TBC1D8: variants seen among roughly 807,000 people sequenced by gnomAD.
The protein encoded by TBC1D8 is TBC1 domain family member 8, also known as BUB2-like protein 1.
In TBC1D8, 65 loss-of-function variants were observed where a neutral mutation model predicts 118.8. That is an observed-to-expected ratio of 0.55 (90% confidence interval 0.45 to 0.67). The LOEUF is 0.67. Ranked by LOEUF, TBC1D8 falls within the 30% of genes least tolerant of loss-of-function variation. The probability of loss-of-function intolerance (pLI) is 0.00; values close to 1 mark genes in which losing one functional copy is unlikely to be tolerated. For synonymous variants in TBC1D8, 566 were observed against 595.8 expected (o/e 0.95, Z 0.73); for missense variants, 1,376 against 1,471.2 (o/e 0.94, Z 1.06).
At chr2:101,025,375 C>T (rs1414478883) in intron 15 of TBC1D8, among the ~76,000 whole-genome samples, 6 of 152,094 alleles carry the variant, frequency 3.9e-5, no homozygotes, top group African/African-American at 9.7e-5. Context: ...TACAGGAGTG[C>T]GTCACCACGC....
At chr2:101,023,940 A>C (rs1443515731) in intron 15 of TBC1D8, 2 of 156,614 alleles carry the variant, frequency 1.3e-5, no homozygotes, top group East Asian at 3.9e-4. Context: ...CACTGCAGCC[A>C]TGTTATTTAA....
intron 17 of TBC1D8, chr2:101,018,126 GAAT>G (rs1679789709): frequency 1.9e-6 from 1 of 537,132 alleles, no homozygotes; most frequent in Non-Finnish European, 3.3e-6. Context: ...AAAGTTTTCA[GAAT>G]AACAAAGCTT....
chr2:101,046,878 T>C (rs1681741423), intron 5 of TBC1D8, among the ~76,000 whole-genome samples: 1 of 152,174 alleles, frequency 6.6e-6, no homozygotes, highest in Non-Finnish European at 1.5e-5. Context: ...ACTACACCGC[T>C]TTAATTCAGC....
At chr2:101,128,792 C>A (rs1463814878) in intron 1 of TBC1D8, among the ~76,000 whole-genome samples, 4 of 152,222 alleles carry the variant, frequency 2.6e-5, no homozygotes, top group African/African-American at 9.6e-5. Flanking sequence ...TCTTGAGAAC[C>A]TTGATAACAT....
intron 1 of TBC1D8, among the ~76,000 whole-genome samples, chr2:101,122,030 C>T (rs1678133008): frequency 1.3e-5 from 2 of 151,476 alleles, no homozygotes; most frequent in South Asian, 4.2e-4. Flanking sequence ...CACGCCACTG[C>T]ACTCCAGCCT....
At position 101,054,672 on chromosome 2, in the gene TBC1D8, C is replaced by CTTTTTTTTTTTTTTTTTTTTTTTTTTTTT. The variant is rs34465252; in HGVS notation, c.403-337_403-336insAAAAAAAAAAAAAAAAAAAAAAAAAAAAA. ...ACAAACAATCATTTTCTTTTCTTTT[C>CTTTTTTTTTTTTTTTTTTTTTTTTTTTTT]TTTTTTTTTTTTTTTTTTTTTTTTT... On this transcript the variant is annotated intron_variant, in intron 3 of 19. Transcript: ENST00000409318. 3.5e-4 allele frequency among the ~76,000 whole-genome samples: 9 copies of CTTTTTTTTTTTTTTTTTTTTTTTTTTTTT among 25,438 alleles called. 1 individual carries two copies. Among genetic ancestry groups the CTTTTTTTTTTTTTTTTTTTTTTTTTTTTT allele is most frequent in the East Asian group, 1.5e-3 (1 of 652 alleles). The allele number at this position is 25,438 out of a possible 152,430, so 16.7% of individuals were successfully genotyped here.
intron 17 of TBC1D8, among the ~76,000 whole-genome samples, chr2:101,018,711 C>T (rs1679835347): frequency 6.6e-6 from 1 of 152,182 alleles, no homozygotes; most frequent in Non-Finnish European, 1.5e-5. Flanking sequence ...TAGGTTTGCT[C>T]AGTATACAAA....
At chr2:101,059,643 T>G (rs539864755) in intron 2 of TBC1D8, 104 bp from the exon 3 acceptor site, 2 of 1,038,596 alleles carry the variant, frequency 1.9e-6, no homozygotes, top group African/African-American at 1.6e-5. Context: ...ATGTTGATGT[T>G]AAAACATCTG....
chr2:101,140,442 C>T (rs1035534842), intron 1 of TBC1D8, among the ~76,000 whole-genome samples: 4 of 152,104 alleles, frequency 2.6e-5, no homozygotes, highest in African/African-American at 7.2e-5. Flanking sequence ...GACACACAGG[C>T]GTCCGGGGAA....
chr2:101,122,665 A>C (rs1311784790), intron 1 of TBC1D8, among the ~76,000 whole-genome samples: 1 of 152,188 alleles, frequency 6.6e-6, no homozygotes, highest in Admixed American at 6.5e-5. Flanking sequence ...GCTTGGTTGC[A>C]TAAATGTAAT....
rs763921122 is a variant in TBC1D8 at position 101,038,480 on chromosome 2, G to A, written c.1256C>T (p.Thr419Ile). Residue 419 changes from threonine to isoleucine, a missense_variant, in exon 7 of 20, where the codon ACC (threonine) becomes ATC (isoleucine). Coordinates refer to ENST00000409318, the MANE Select transcript of TBC1D8 (RefSeq NM_001330348.2). The part of the protein sequence containing the change: ...VHANHPVHYD[T>I]SADDDMASLV... ...CCATACCATGTCATCATCCGCAGAG[G>A]TGTCGTAGTGCACGGGGTGGTTGGC... 138 of 1,613,652 alleles carry A rather than the reference G, an allele frequency of 8.6e-5. No homozygotes were observed. The highest frequency in any genetic ancestry group is 1.2e-4 in the Admixed American group (7 of 59,990).
At chr2:101,021,143 T>C (rs1680006923) in intron 17 of TBC1D8, among the ~76,000 whole-genome samples, 1 of 152,178 alleles carries the variant, frequency 6.6e-6, no homozygotes, top group African/African-American at 2.4e-5. Context: ...CTGGGATTTC[T>C]GATTCATCTC....
intron 19 of TBC1D8, 46 bp from the exon 20 acceptor site, chr2:101,008,319 G>A (rs1678901903): frequency 1.4e-6 from 2 of 1,431,584 alleles, no homozygotes; most frequent in Non-Finnish European, 9.2e-7. Context: ...CAGGGTGGAA[G>A]TGTCATTTTT....
chr2:101,019,136 G>T (rs1478880431), intron 17 of TBC1D8: 1 of 1,506,448 alleles, frequency 6.6e-7, no homozygotes, highest in East Asian at 2.4e-5. Context: ...CACCGAGGAC[G>T]TCTGTCTCCC....
At chr2:101,117,788 G>T (rs931936238) in intron 1 of TBC1D8, among the ~76,000 whole-genome samples, 1 of 151,344 alleles carries the variant, frequency 6.6e-6, no homozygotes, top group African/African-American at 2.4e-5. Context: ...TGTCAGGCAG[G>T]ATGGTCTCGA....
intron 4 of TBC1D8, among the ~76,000 whole-genome samples, chr2:101,052,442 G>C (rs143798770): frequency 2.0e-5 from 3 of 151,016 alleles, no homozygotes; most frequent in Non-Finnish European, 3.0e-5. Flanking sequence ...AATCAGAAAT[G>C]TCACCACATA....
At chr2:101,118,024 G>T (rs1024362106) in intron 1 of TBC1D8, among the ~76,000 whole-genome samples, 1 of 151,886 alleles carries the variant, frequency 6.6e-6, no homozygotes, top group African/African-American at 2.4e-5. Flanking sequence ...CACAATGCTG[G>T]TTTGCTGAAG....
chr2:101,086,413 G>A (rs1488608249), intron 2 of TBC1D8, among the ~76,000 whole-genome samples: 3 of 152,094 alleles, frequency 2.0e-5, no homozygotes, highest in South Asian at 2.1e-4. Context: ...TTCCTAAAGT[G>A]ATTAAAGAAA....
chr2:101,144,861 C>T (rs929182115), intron 1 of TBC1D8, among the ~76,000 whole-genome samples: 22 of 152,188 alleles, frequency 1.4e-4, no homozygotes, highest in African/African-American at 5.1e-4. Context: ...TCGCTTGAAC[C>T]CAGGAGGTGG....
Sources: gnomAD v4.1 joint callset for allele counts (sites outside exome capture counted in the v4.1 genomes callset) on GRCh38, gnomAD v4.1.1 for gene constraint, MANE v1.5 for transcripts, NCBI Gene and HGNC (gene_info 2026-07-23, HGNC 2026-07-21) for gene names.